Variants in ATG7 observed in about 807,000 individuals in gnomAD.
ATG7 encodes autophagy related 7.
Under a neutral mutation model 82.4 loss-of-function variants are expected in ATG7, and 70 were observed. That is an observed-to-expected ratio of 0.85 (90% CI 0.70 to 1.04). The LOEUF (loss-of-function observed/expected upper bound fraction) is 1.04, where lower values mean the gene tolerates loss of function less well. Ranked by LOEUF, ATG7 falls within the 50% of genes least tolerant of loss-of-function variation. The pLI is 0.00. For synonymous variants in ATG7, 287 were observed against 313.0 expected (o/e 0.92, Z 0.88); for missense variants, 792 against 864.3 (o/e 0.92, Z 1.05).
intron 20 of ATG7, among the ~76,000 whole-genome samples, chr3:11,464,132 G>A (rs1452789265): frequency 6.6e-6 from 1 of 152,224 alleles, no homozygotes; most frequent in African/African-American, 2.4e-5. Context: ...AGCACTTTGG[G>A]AGGCCAAGGC....
intron 20 of ATG7, among the ~76,000 whole-genome samples, chr3:11,493,996 A>T (rs1349369548): frequency 6.6e-6 from 1 of 152,222 alleles, no homozygotes; most frequent in African/African-American, 2.4e-5. Flanking sequence ...TGAAAGAGAA[A>T]ACCAAAGAGA....
At chr3:11,501,393 A>G (rs189324405) in intron 20 of ATG7, among the ~76,000 whole-genome samples, 110 of 152,352 alleles carry the variant, frequency 7.2e-4, no homozygotes, top group African/African-American at 2.5e-3. Flanking sequence ...AGCTGTTATT[A>G]TTTGTCAGAA....
At chr3:11,433,256 C>A (rs2083068595) in intron 20 of ATG7, among the ~76,000 whole-genome samples, 1 of 142,646 alleles carries the variant, frequency 7.0e-6, no homozygotes, top group African/African-American at 2.6e-5. Flanking sequence ...TGTACTCCAG[C>A]CTGGGTGACA....
intron 20 of ATG7, among the ~76,000 whole-genome samples, chr3:11,432,594 C>T (rs916105693): frequency 2.0e-5 from 3 of 151,984 alleles, no homozygotes; most frequent in Non-Finnish European, 2.9e-5. Context: ...GAAATCACCA[C>T]TAAAGAACTT....
At chr3:11,338,061 G>C (rs1477578860) in intron 11 of ATG7, among the ~76,000 whole-genome samples, 1 of 152,022 alleles carries the variant, frequency 6.6e-6, no homozygotes, top group African/African-American at 2.4e-5. Flanking sequence ...GATCACCCAG[G>C]TACTAATACC....
intron 9 of ATG7, among the ~76,000 whole-genome samples, chr3:11,325,063 G>A (rs1257567270): frequency 6.6e-6 from 1 of 152,226 alleles, no homozygotes; most frequent in Non-Finnish European, 1.5e-5. Flanking sequence ...ACAGTATTAA[G>A]TATGGTCACA....
At chr3:11,466,198 A>G (rs1576613936) in intron 20 of ATG7, among the ~76,000 whole-genome samples, 1 of 152,248 alleles carries the variant, frequency 6.6e-6, no homozygotes, top group African/African-American at 2.4e-5. Context: ...CTTGTTATAC[A>G]AGGAAACATG....
At chr3:11,377,805 C>T (rs1018066438) in intron 18 of ATG7, among the ~76,000 whole-genome samples, 2 of 152,174 alleles carry the variant, frequency 1.3e-5, no homozygotes, top group East Asian at 1.9e-4. Flanking sequence ...TTCCAGAGCT[C>T]GTGAAGATTT....
chr3:11,408,293 C>G (rs1387420359), intron 19 of ATG7, among the ~76,000 whole-genome samples: 1 of 152,208 alleles, frequency 6.6e-6, no homozygotes, highest in Non-Finnish European at 1.5e-5. Context: ...CCATTTGAGA[C>G]CACCTTAGCC....
At chr3:11,501,115 A>G (rs1321812012) in intron 20 of ATG7, among the ~76,000 whole-genome samples, 2 of 152,216 alleles carry the variant, frequency 1.3e-5, no homozygotes, top group African/African-American at 4.8e-5. Context: ...TTGGCCAGGT[A>G]TGGTGATACG....
At chr3:11,464,247 C>T (rs780005732) in intron 20 of ATG7, among the ~76,000 whole-genome samples, 3 of 152,100 alleles carry the variant, frequency 2.0e-5, no homozygotes, top group Non-Finnish European at 4.4e-5. Flanking sequence ...TGTTATGCAC[C>T]TGAAGTCCCA....
At chr3:11,520,557 GC>G (rs1258248795) in intron 20 of ATG7, among the ~76,000 whole-genome samples, 1 of 152,184 alleles carries the variant, frequency 6.6e-6, no homozygotes, top group Non-Finnish European at 1.5e-5. Context: ...TGCCGTGCTG[GC>G]CCTGGAGGAA....
At chr3:11,377,230 C>G (rs2152841300) in intron 18 of ATG7, among the ~76,000 whole-genome samples, 1 of 152,324 alleles carries the variant, frequency 6.6e-6, no homozygotes, top group South Asian at 2.1e-4. Context: ...TTATCTAAAA[C>G]TGGAATTATT....
chr3:11,273,065 C>T (rs1451160647), intron 1 of ATG7, among the ~76,000 whole-genome samples: 1 of 152,182 alleles, frequency 6.6e-6, no homozygotes, highest in Non-Finnish European at 1.5e-5. Context: ...AAGTACAAGC[C>T]AAACCGTGTG....
At chr3:11,310,062 A>C (rs186134846) in intron 7 of ATG7, among the ~76,000 whole-genome samples, 50 of 151,780 alleles carry the variant, frequency 3.3e-4, no homozygotes, top group African/African-American at 1.2e-3. Flanking sequence ...GCTACTGGGG[A>C]GCTGAGGTGG....
intron 14 of ATG7, among the ~76,000 whole-genome samples, chr3:11,354,688 T>C (rs1575652630): frequency 6.8e-6 from 1 of 147,556 alleles, no homozygotes; most frequent in South Asian, 2.2e-4. Flanking sequence ...TGTTGGATTA[T>C]GGAGCCACAC....
At chr3:11,554,515 G>A (rs1303056867) in intron 20 of ATG7, among the ~76,000 whole-genome samples, 1 of 152,218 alleles carries the variant, frequency 6.6e-6, no homozygotes, top group Non-Finnish European at 1.5e-5. Context: ...AGCAGAGGCT[G>A]GCTGGGTCAG....
chr3:11,469,622 G>A (rs1247379676), intron 20 of ATG7, among the ~76,000 whole-genome samples: 2 of 152,144 alleles, frequency 1.3e-5, no homozygotes, highest in Non-Finnish European at 2.9e-5. Context: ...CAGCTCAGGA[G>A]TATTGACGTT....
At chr3:11,574,077 C>T in the ATG7 span, among the ~76,000 whole-genome samples, 1 of 152,186 alleles carries the variant, frequency 6.6e-6, no homozygotes, top group African/African-American at 2.4e-5. Context: ...CCCTCAGAAG[C>T]AGCCAGCCCT....
Sources: gnomAD v4.1 joint callset for allele counts (sites outside exome capture counted in the v4.1 genomes callset) on GRCh38, gnomAD v4.1.1 for gene constraint, MANE v1.5 for transcripts, NCBI Gene and HGNC (gene_info 2026-07-23, HGNC 2026-07-21) for gene names.